TRPC5: variants seen among roughly 807,000 people sequenced by gnomAD.
TRPC5 encodes the protein transient receptor potential cation channel subfamily C member 5.
A neutral mutation model predicts 56.5 loss-of-function variants in TRPC5; 9 were observed. The observed-to-expected ratio is 0.16, with a 90% CI of 0.10 to 0.28. The LOEUF (loss-of-function observed/expected upper bound fraction) is 0.28, where lower values mean the gene tolerates loss of function less well. Ranked by LOEUF, TRPC5 falls within the 10% of genes least tolerant of loss-of-function variation. TRPC5 has a pLI of 1.00. For synonymous variants in TRPC5, 282 were observed against 278.5 expected, an observed-to-expected ratio of 1.01 and a Z score of -0.13; for missense variants, 469 against 748.9, an observed-to-expected ratio of 0.63 and a Z score of 4.36.
At chrX:111,792,035 T>C (rs1946025786) in intron 7 of TRPC5, among the ~76,000 whole-genome samples, 1 of 112,012 alleles carries the variant, frequency 8.9e-6, no homozygotes, top group African/African-American at 3.3e-5. Context: ...GTATTTACAA[T>C]AGCAAAGACT....
At chrX:111,855,951 A>G (rs900449785) in intron 3 of TRPC5, among the ~76,000 whole-genome samples, 2 of 112,259 alleles carry the variant, frequency 1.8e-5, no homozygotes, top group African/African-American at 3.2e-5. Flanking sequence ...GGAGGGACAA[A>G]TCTGGATTGC....
chrX:111,997,376 T>A (rs1928567710), intron 1 of TRPC5, among the ~76,000 whole-genome samples: 1 of 112,116 alleles, frequency 8.9e-6, no homozygotes, highest in Non-Finnish European at 1.9e-5. Flanking sequence ...CTGCTGTTAG[T>A]CTGATGGGCT....
At chrX:112,050,704 C>G (rs890644612) in intron 1 of TRPC5, among the ~76,000 whole-genome samples, 3 of 112,069 alleles carry the variant, frequency 2.7e-5, no homozygotes, top group African/African-American at 9.7e-5. Flanking sequence ...TATGTTGTTT[C>G]CTGACCTTCT....
intron 1 of TRPC5, among the ~76,000 whole-genome samples, chrX:111,984,355 C>T (rs1260678834): frequency 9.0e-6 from 1 of 111,718 alleles, no homozygotes; most frequent in Non-Finnish European, 1.9e-5. Flanking sequence ...TCAAAACTAG[C>T]AGGTTTACAG....
intron 1 of TRPC5, among the ~76,000 whole-genome samples, chrX:112,071,159 A>T (rs894564585): frequency 1.8e-5 from 2 of 109,735 alleles, no homozygotes; most frequent in Admixed American, 2.0e-4. Flanking sequence ...AAAAACCCAC[A>T]ATATTAGCCG....
chrX:111,843,219 T>A (rs1922812906), intron 6 of TRPC5, among the ~76,000 whole-genome samples: 2 of 112,858 alleles, frequency 1.8e-5, no homozygotes, highest in Non-Finnish European at 3.7e-5. Context: ...AGTAGCCATG[T>A]TGAGCACCTT....
chrX:111,822,871 C>T (rs1259794119), intron 7 of TRPC5, among the ~76,000 whole-genome samples: 1 of 111,354 alleles, frequency 9.0e-6, no homozygotes, highest in African/African-American at 3.3e-5. Flanking sequence ...CTGAGTTACC[C>T]AAGATAGTCT....
intron 7 of TRPC5, 128 bp downstream of exon 7, chrX:111,834,793 A>T: frequency 2.0e-6 from 1 of 508,316 alleles, no homozygotes; most frequent in South Asian, 4.2e-5. Context: ...TCAGTCTAAC[A>T]ACTAGGAAAG....
chrX:111,930,175 C>T (rs1036433909), intron 2 of TRPC5, among the ~76,000 whole-genome samples: 2 of 111,231 alleles, frequency 1.8e-5, no homozygotes, highest in Admixed American at 9.6e-5. Flanking sequence ...TGGCCAGGTG[C>T]GGTAGCTCAT....
At position 111,857,263 on chromosome X, in the gene TRPC5, T is replaced by C. The variant is rs185102787; in HGVS notation, c.901-3157A>G. ...AAACTGTTGTCAATCTTGAACAAAA[T>C]GATGGTGACTTAGACTAAGGAAATG... On this transcript the variant is annotated intron_variant, in intron 3 of 10. Transcript: ENST00000262839. 2.1e-3 allele frequency among the ~76,000 whole-genome samples: 231 copies of C among 111,634 alleles called. 1 individual carries two copies. Among genetic ancestry groups the C allele is most frequent in the Non-Finnish European group, 3.6e-3 (192 of 53,103 alleles).
At chrX:111,957,669 G>A (rs1054080161) in intron 1 of TRPC5, among the ~76,000 whole-genome samples, 1 of 111,755 alleles carries the variant, frequency 8.9e-6, no homozygotes, top group Non-Finnish European at 1.9e-5. Context: ...AAATCTATGA[G>A]AGTGCCAGCA....
Position 111,931,112 on chromosome X carries a change from T to C in TRPC5, c.379-18300A>G, listed in dbSNP as rs1019975013. 6 of 111,280 alleles carry C rather than the reference T, an allele frequency of 5.4e-5. No individual in the cohort carries two copies. In the East Asian group the frequency reaches 1.4e-3, roughly 26 times the overall value. The allele number at this position is 111,280 out of a possible 1,213,427, so 9.2% of individuals were successfully genotyped here. A position where few individuals can be genotyped will look rare whatever the true frequency, so the allele number is the denominator to read the frequency against. ...TCTAGCTTTGGCAAGACATCCATAA[T>C]GTACTGTTAAAAAGAACAGGTTTGT... On this transcript the variant is annotated intron_variant, in intron 2 of 10. Coordinates refer to ENST00000262839, the MANE Select transcript of TRPC5 (RefSeq NM_012471.3).
intron 1 of TRPC5, among the ~76,000 whole-genome samples, chrX:111,970,829 G>T (rs1927761384): frequency 1.9e-5 from 2 of 104,639 alleles, no homozygotes; most frequent in Admixed American, 2.0e-4. Flanking sequence ...GAGTGCAGTG[G>T]CGCGATCTCG....
rs1390978920 is a variant in TRPC5 at position 111,977,236 on chromosome X, G to A, written c.-21-24795C>T. 2.7e-5 allele frequency among the ~76,000 whole-genome samples: 3 copies of A among 111,477 alleles called. No homozygotes were observed. The Admixed American group carries it at 2.9e-4, about 11-fold the overall frequency. On this transcript the variant is annotated intron_variant, in intron 1 of 10. Transcript: ENST00000262839. ...GAGGCATCATATTTCCTGACTCTAA[G>A]TTATATTATAGTAATTAAAACATTA...
intron 7 of TRPC5, among the ~76,000 whole-genome samples, chrX:111,803,749 A>T (rs1236046169): frequency 1.8e-5 from 2 of 111,784 alleles, no homozygotes; most frequent in East Asian, 5.6e-4. Context: ...TCTGGATATT[A>T]GCCCTTTGTC....
chrX:112,062,158 G>GGT (rs943710469), intron 1 of TRPC5, among the ~76,000 whole-genome samples: 6 of 111,833 alleles, frequency 5.4e-5, no homozygotes, highest in African/African-American at 2.0e-4. Flanking sequence ...TGATGCTGAT[G>GGT]TAGTAACTCT....
At chrX:111,832,510 C>G (rs998673463) in intron 7 of TRPC5, among the ~76,000 whole-genome samples, 1 of 112,067 alleles carries the variant, frequency 8.9e-6, no homozygotes, top group African/African-American at 3.2e-5. Flanking sequence ...AGTACTGAAG[C>G]AGAGATGTTG....
intron 1 of TRPC5, among the ~76,000 whole-genome samples, chrX:112,034,854 T>C (rs1178638057): frequency 2.7e-5 from 3 of 109,397 alleles, no homozygotes; most frequent in African/African-American, 9.9e-5. Flanking sequence ...TAATATCTCT[T>C]CTCGTTTTTT....
chrX:111,966,913 C>T (rs1218094073), intron 1 of TRPC5, among the ~76,000 whole-genome samples: 1 of 101,640 alleles, frequency 9.8e-6, no homozygotes, highest in Non-Finnish European at 2.0e-5. Flanking sequence ...CCTTTCAAAA[C>T]TGGCACAAGA....
Sources: gnomAD v4.1 joint callset for allele counts (sites outside exome capture counted in the v4.1 genomes callset) on GRCh38, gnomAD v4.1.1 for gene constraint, MANE v1.5 for transcripts, NCBI Gene and HGNC (gene_info 2026-07-23, HGNC 2026-07-21) for gene names.